KLF12: variants seen among roughly 807,000 people sequenced by gnomAD.
KLF12 encodes KLF transcription factor 12.
Under a neutral mutation model 37.8 loss-of-function variants are expected in KLF12, and 9 were observed. The ratio of observed to expected loss-of-function variants is 0.24; its 90% confidence interval spans 0.14 to 0.42. The LOEUF (loss-of-function observed/expected upper bound fraction) is 0.42. Among genes scored for constraint, KLF12 ranks in the 10% least tolerant of loss-of-function variants. The probability of loss-of-function intolerance (pLI) is 1.00; values close to 1 mark genes in which losing one functional copy is unlikely to be tolerated. For missense variants in KLF12, 411 were observed against 516.0 expected, an observed-to-expected ratio of 0.80 and a Z score of 1.97; for synonymous variants, 208 against 202.1, an observed-to-expected ratio of 1.03 and a Z score of -0.25.
chr13:73,974,886 T>C lies in KLF12; in HGVS notation c.33+20104A>G, dbSNP rs569590077. ...ACACTATTATTTGCTGTTTGTTTAG[T>C]AGATAAACTCTTTTTAAGAGCACAG... On this transcript the variant is annotated intron_variant, in intron 2 of 7. Coordinates refer to ENST00000377669, the MANE Select transcript of KLF12 (RefSeq NM_007249.5). Among the ~76,000 whole-genome samples the C allele has an allele frequency of 2.0e-5, 3 of 152,318 alleles. No homozygotes were observed. In the South Asian group the frequency reaches 6.2e-4, roughly 32 times the overall value.
intron 3 of KLF12, among the ~76,000 whole-genome samples, chr13:73,852,510 G>A (rs919757635): frequency 9.2e-5 from 14 of 152,250 alleles, no homozygotes; most frequent in East Asian, 3.9e-4. Flanking sequence ...GGCCAGGCAC[G>A]GTGACTCACG....
At chr13:74,216,108 C>T in the KLF12 span, among the ~76,000 whole-genome samples, 1 of 152,206 alleles carries the variant, frequency 6.6e-6, no homozygotes, top group Non-Finnish European at 1.5e-5. Context: ...TCCCTTTTGG[C>T]ACTTGGCATT....
the KLF12 span, among the ~76,000 whole-genome samples, chr13:74,232,967 C>A: frequency 1.8e-3 from 269 of 152,150 alleles, 1 homozygote; most frequent in Middle Eastern, 3.4e-3. Flanking sequence ...CTCACTGCAA[C>A]CTCCGCCTCC....
chr13:74,065,754 A>G (rs1159953200), intron 1 of KLF12, among the ~76,000 whole-genome samples: 2 of 152,032 alleles, frequency 1.3e-5, no homozygotes, highest in African/African-American at 4.8e-5. Context: ...GACCGCAACT[A>G]CAAAGTGTGA....
chr13:74,039,995 T>C (rs1221818909), intron 1 of KLF12, among the ~76,000 whole-genome samples: 1 of 152,230 alleles, frequency 6.6e-6, no homozygotes, highest in Non-Finnish European at 1.5e-5. Flanking sequence ...GTGTGGTTAG[T>C]AGACAATCTA....
At chr13:74,193,066 G>A in the KLF12 span, among the ~76,000 whole-genome samples, 1 of 149,924 alleles carries the variant, frequency 6.7e-6, no homozygotes, top group Non-Finnish European at 1.5e-5. Context: ...GCAACCTGCG[G>A]TTCCCGGGTT....
At chr13:74,092,850 G>A (rs762089162) in intron 1 of KLF12, among the ~76,000 whole-genome samples, 20 of 152,122 alleles carry the variant, frequency 1.3e-4, no homozygotes, top group East Asian at 5.8e-4. Flanking sequence ...GCTCAACATC[G>A]TTAGTTATCA....
At chr13:73,821,627 A>G (rs1000814979) in intron 4 of KLF12, among the ~76,000 whole-genome samples, 1 of 152,150 alleles carries the variant, frequency 6.6e-6, no homozygotes, top group Non-Finnish European at 1.5e-5. Flanking sequence ...TGGTAACTGA[A>G]TGTATGCAGG....
intron 1 of KLF12, among the ~76,000 whole-genome samples, chr13:74,075,391 G>A (rs1874504074): frequency 6.6e-6 from 1 of 152,188 alleles, no homozygotes; most frequent in Admixed American, 6.5e-5. Flanking sequence ...TAAAGCAATG[G>A]CTCTCAATCC....
At chr13:74,284,465 C>T in the KLF12 span, among the ~76,000 whole-genome samples, 1 of 152,194 alleles carries the variant, frequency 6.6e-6, no homozygotes, top group African/African-American at 2.4e-5. Context: ...TTTTGTGCAA[C>T]ACAGGACTCC....
chr13:74,118,286 T>C (rs1407857946), intron 1 of KLF12, among the ~76,000 whole-genome samples: 1 of 152,228 alleles, frequency 6.6e-6, no homozygotes. Flanking sequence ...CTTTTGTATA[T>C]GTTTAAAATT....
At chr13:74,185,134 G>A in the KLF12 span, among the ~76,000 whole-genome samples, 1 of 152,180 alleles carries the variant, frequency 6.6e-6, no homozygotes, top group Non-Finnish European at 1.5e-5. Flanking sequence ...GCAAGATGGA[G>A]TTGAGGTACC....
At chr13:73,816,412 G>C (rs1226996384) in intron 4 of KLF12, among the ~76,000 whole-genome samples, 1 of 152,186 alleles carries the variant, frequency 6.6e-6, no homozygotes, top group Non-Finnish European at 1.5e-5. Context: ...TAATGAAAAA[G>C]GGATCAGACA....
chr13:73,952,141 A>G (rs1386278373), intron 2 of KLF12, among the ~76,000 whole-genome samples: 1 of 152,196 alleles, frequency 6.6e-6, no homozygotes, highest in East Asian at 1.9e-4. Flanking sequence ...AACTAGAGAA[A>G]AGACCAGAAA....
At chr13:73,976,064 T>C in intron 2 of KLF12, among the ~76,000 whole-genome samples, 1 of 149,948 alleles carries the variant, frequency 6.7e-6, no homozygotes, top group African/African-American at 2.5e-5. Flanking sequence ...GCTCAGAAAC[T>C]GGCATGTGCC....
chr13:73,962,105 G>T, intron 2 of KLF12: 1 of 435,858 alleles, frequency 2.3e-6, no homozygotes, highest in Non-Finnish European at 4.6e-6. Context: ...TGGATAAACT[G>T]TGGTACATCC....
At chr13:73,696,772 G>A (rs1023009702) in intron 7 of KLF12, among the ~76,000 whole-genome samples, 2 of 152,202 alleles carry the variant, frequency 1.3e-5, no homozygotes, top group East Asian at 3.8e-4. Flanking sequence ...CTCAAAGCCA[G>A]TAAAAAGATG....
intron 3 of KLF12, among the ~76,000 whole-genome samples, chr13:73,933,897 A>C (rs889545877): frequency 6.6e-6 from 1 of 152,172 alleles, no homozygotes; most frequent in African/African-American, 2.4e-5. Flanking sequence ...TTAAGTGTAC[A>C]ACTCAGTAGT....
At chr13:74,221,197 G>A in the KLF12 span, among the ~76,000 whole-genome samples, 1 of 151,966 alleles carries the variant, frequency 6.6e-6, no homozygotes, top group African/African-American at 2.4e-5. Flanking sequence ...TCGTAGAGAC[G>A]GGGTTTCACT....
Sources: gnomAD v4.1 joint callset for allele counts (sites outside exome capture counted in the v4.1 genomes callset) on GRCh38, gnomAD v4.1.1 for gene constraint, MANE v1.5 for transcripts, NCBI Gene and HGNC (gene_info 2026-07-23, HGNC 2026-07-21) for gene names.